The following TNFSF4 variants were observed in gnomAD, a reference collection of about 807,000 sequenced individuals.
TNFSF4 encodes tumor necrosis factor ligand superfamily member 4.
A neutral mutation model predicts 7.3 loss-of-function variants in TNFSF4; 4 were observed. The observed-to-expected ratio is 0.55, with a 90% CI of 0.27 to 1.25. The LOEUF (loss-of-function observed/expected upper bound fraction) is 1.25. Ranked by LOEUF, TNFSF4 falls within the 50% of genes most tolerant of loss-of-function variation. The probability of loss-of-function intolerance (pLI) is 0.12; values close to 1 mark genes in which losing one functional copy is unlikely to be tolerated. For missense variants in TNFSF4, 181 were observed against 208.8 expected (o/e 0.87, Z 0.82); for synonymous variants, 76 against 83.7 (o/e 0.91, Z 0.50).
the TNFSF4 span, among the ~76,000 whole-genome samples, chr1:173,350,592 G>T: frequency 6.6e-6 from 1 of 152,174 alleles, no homozygotes; most frequent in African/African-American, 2.4e-5. Context: ...GAGCTTAACA[G>T]AACAAAGGCT....
chr1:173,370,472 A>G, the TNFSF4 span, among the ~76,000 whole-genome samples: 1 of 152,230 alleles, frequency 6.6e-6, no homozygotes, highest in Non-Finnish European at 1.5e-5. Flanking sequence ...AAGAAGAATT[A>G]GGAAAAAGCC....
the TNFSF4 span, among the ~76,000 whole-genome samples, chr1:173,380,295 G>T: frequency 1.3e-5 from 2 of 152,074 alleles, no homozygotes; most frequent in African/African-American, 4.8e-5. Context: ...TGAATATGGG[G>T]AACAAGTTAC....
At chr1:173,234,598 T>C in the TNFSF4 span, among the ~76,000 whole-genome samples, 1 of 152,072 alleles carries the variant, frequency 6.6e-6, no homozygotes, top group Admixed American at 6.5e-5. Context: ...ATATACCCCA[T>C]GGAATACTAT....
the TNFSF4 span, among the ~76,000 whole-genome samples, chr1:173,446,066 C>T: frequency 6.6e-6 from 1 of 151,908 alleles, no homozygotes; most frequent in African/African-American, 2.4e-5. Flanking sequence ...AATCACTCAG[C>T]GTACAAAGAA....
At chr1:173,186,995 G>A (rs1649256526) in intron 2 of TNFSF4, 130 bp from the exon 3 acceptor site, 1 of 638,602 alleles carries the variant, frequency 1.6e-6, no homozygotes, top group Non-Finnish European at 2.6e-6. Flanking sequence ...TAAAAGCAGT[G>A]AGCCAAGATC....
intron 1 of TNFSF4, among the ~76,000 whole-genome samples, chr1:173,191,931 C>A (rs1160770138): frequency 1.3e-5 from 2 of 152,192 alleles, no homozygotes; most frequent in Non-Finnish European, 2.9e-5. Context: ...AATCCCAGCA[C>A]TTTGGGAGGC....
At chr1:173,430,942 C>G in the TNFSF4 span, among the ~76,000 whole-genome samples, 10 of 152,276 alleles carry the variant, frequency 6.6e-5, no homozygotes, top group African/African-American at 2.4e-4. Flanking sequence ...TTCTGTAAAA[C>G]AAAGAATCCA....
chr1:173,317,474 T>C, the TNFSF4 span, among the ~76,000 whole-genome samples: 3 of 152,238 alleles, frequency 2.0e-5, no homozygotes, highest in Admixed American at 6.5e-5. Context: ...CATGTAACGA[T>C]GGTCCTTCAC....
At chr1:173,251,207 T>C in the TNFSF4 span, among the ~76,000 whole-genome samples, 1 of 152,204 alleles carries the variant, frequency 6.6e-6, no homozygotes, top group East Asian at 1.9e-4. Context: ...ATGTGTGCAT[T>C]TGGTCAAAAT....
chr1:173,381,416 A>G, the TNFSF4 span, among the ~76,000 whole-genome samples: 6 of 152,200 alleles, frequency 3.9e-5, no homozygotes, highest in African/African-American at 1.4e-4. Flanking sequence ...GTTGGGCAAC[A>G]TGGCTTCTCC....
chr1:173,319,902 C>A, the TNFSF4 span, among the ~76,000 whole-genome samples: 2 of 152,110 alleles, frequency 1.3e-5, no homozygotes, highest in East Asian at 1.9e-4. Context: ...TGAGGAAAAA[C>A]CAGCATGAAA....
At chr1:173,342,672 C>T in the TNFSF4 span, among the ~76,000 whole-genome samples, 2 of 152,158 alleles carry the variant, frequency 1.3e-5, no homozygotes. Context: ...AACAGATGAC[C>T]TAACCTCCTA....
chr1:173,237,288 C>A, the TNFSF4 span, among the ~76,000 whole-genome samples: 1 of 152,124 alleles, frequency 6.6e-6, no homozygotes, highest in Non-Finnish European at 1.5e-5. Context: ...AAATGTGAAT[C>A]ATCACATAAA....
the TNFSF4 span, among the ~76,000 whole-genome samples, chr1:173,284,139 T>C: frequency 6.6e-6 from 1 of 152,104 alleles, no homozygotes; most frequent in Non-Finnish European, 1.5e-5. Flanking sequence ...CTGGAAAATG[T>C]GAGGAAGCTG....
chr1:173,424,431 C>G, the TNFSF4 span, among the ~76,000 whole-genome samples: 1 of 152,236 alleles, frequency 6.6e-6, no homozygotes, highest in Non-Finnish European at 1.5e-5. Context: ...TGAGCTGCTA[C>G]TAGTGCTTAT....
chr1:173,433,004 T>A, the TNFSF4 span, among the ~76,000 whole-genome samples: 1 of 152,244 alleles, frequency 6.6e-6, no homozygotes, highest in Non-Finnish European at 1.5e-5. Context: ...CACATATACG[T>A]AACATATACA....
At chr1:173,177,520 T>C in the TNFSF4 span, among the ~76,000 whole-genome samples, 3 of 152,126 alleles carry the variant, frequency 2.0e-5, no homozygotes, top group Non-Finnish European at 4.4e-5. Context: ...AAAATCTGTA[T>C]ACCAAACTTC....
the TNFSF4 span, chr1:173,363,014 T>TGC: frequency 7.7e-6 from 3 of 387,224 alleles, no homozygotes; most frequent in Non-Finnish European, 1.5e-5. Flanking sequence ...GGACTTGCCT[T>TGC]ATCTTCAATA....
chr1:173,381,115 A>C, the TNFSF4 span, among the ~76,000 whole-genome samples: 1 of 152,176 alleles, frequency 6.6e-6, no homozygotes, highest in African/African-American at 2.4e-5. Flanking sequence ...TATCTACTTA[A>C]TTATCCTACT....
Sources: gnomAD v4.1 joint callset for allele counts (sites outside exome capture counted in the v4.1 genomes callset) on GRCh38, gnomAD v4.1.1 for gene constraint, MANE v1.5 for transcripts, NCBI Gene and HGNC (gene_info 2026-07-23, HGNC 2026-07-21) for gene names.